The following LAD1 variants were observed in gnomAD, a reference collection of about 807,000 sequenced individuals.
The protein encoded by LAD1 is ladinin-1.
In LAD1, 53 loss-of-function variants were observed where a neutral mutation model predicts 54.2. The ratio of observed to expected loss-of-function variants is 0.98; its 90% confidence interval spans 0.78 to 1.23. The LOEUF is 1.23. Among genes scored for constraint, LAD1 ranks in the 50% most tolerant of loss-of-function variants. LAD1 has a pLI of 0.00. For missense variants in LAD1, 637 were observed against 653.3 expected (o/e 0.98, Z 0.27); for synonymous variants, 231 against 257.7 (o/e 0.90, Z 0.99).
chr1:201,384,974 C>G (rs34070820), intron 4 of LAD1, 139 bp from the exon 5 acceptor site: 157,176 of 733,162 alleles, frequency 0.21, 17,944 homozygotes, highest in Middle Eastern at 0.28. Context: ...TCAACCCCAC[C>G]AAAGAAATAT....
intron 1 of LAD1, among the ~76,000 whole-genome samples, chr1:201,398,641 C>T (rs1451451964): frequency 6.6e-6 from 1 of 152,210 alleles, no homozygotes; most frequent in Non-Finnish European, 1.5e-5. Flanking sequence ...GATGCCTCAT[C>T]CCCGACCCTT....
chr1:201,385,911 T>G (rs959391663), intron 3 of LAD1, 106 bp from the exon 4 acceptor site: 2 of 817,608 alleles, frequency 2.4e-6, no homozygotes, highest in Admixed American at 3.6e-5. Flanking sequence ...GAGGGGAGAA[T>G]GAGACAGCCC....
chr1:201,382,157 G>A, intron 9 of LAD1, 95 bp downstream of exon 9: 1 of 1,101,046 alleles, frequency 9.1e-7, no homozygotes, highest in Non-Finnish European at 1.4e-6. Context: ...CTGCGCGATT[G>A]CAGGCCAATT....
intron 1 of LAD1, among the ~76,000 whole-genome samples, chr1:201,396,532 A>G (rs1336729964): frequency 1.3e-5 from 2 of 152,166 alleles, no homozygotes. Flanking sequence ...ATTTTCCCAA[A>G]TTGAATCATA....
At chr1:201,389,364 G>T in intron 1 of LAD1, 61 bp from the exon 2 acceptor site, 1 of 1,568,360 alleles carries the variant, frequency 6.4e-7, no homozygotes, top group Non-Finnish European at 8.6e-7. Flanking sequence ...CCCGAGGCAG[G>T]CTCCTCTAGG....
intron 5 of LAD1, among the ~76,000 whole-genome samples, chr1:201,384,411 C>T (rs1662030876): frequency 6.6e-6 from 1 of 152,170 alleles, no homozygotes. Flanking sequence ...GTTAAACCTG[C>T]AGACCCACAG....
chr1:201,382,582 T>C, intron 8 of LAD1, 71 bp downstream of exon 8: 1 of 1,272,612 alleles, frequency 7.9e-7, no homozygotes, highest in Non-Finnish European at 1.1e-6. Flanking sequence ...CTCCCGACTG[T>C]CCCTCCTCTG....
chr1:201,382,683 C>A lies in LAD1; in HGVS notation c.1443G>T (p.Arg481Ser). The A allele has an allele frequency of 6.2e-7, 1 of 1,607,752 alleles. No homozygotes were observed. Among genetic ancestry groups the A allele is most frequent in the Admixed American group, 1.7e-5 (1 of 59,284 alleles). ...GGTCCTGATCTCCAGATTCCTGGGT[C>A]CTGCTGATCCACAGGTTGAGCCTTG... The part of the protein sequence containing the change: ...VTSRLNLWIS[R>S]TQESGDQDPQ... Residue 481 changes from arginine (R) to serine (S), a missense_variant, in exon 8 of 10, where the codon AGG becomes AGT. By Grantham distance (110) the Arg-to-Ser change is moderately radical. Transcript: ENST00000391967.
At chr1:201,396,790 G>T (rs1018041943) in intron 1 of LAD1, among the ~76,000 whole-genome samples, 7 of 152,132 alleles carry the variant, frequency 4.6e-5, no homozygotes, top group Admixed American at 2.0e-4. Flanking sequence ...TGGTCACTGT[G>T]GGGGGTAACT....
intron 1 of LAD1, among the ~76,000 whole-genome samples, chr1:201,389,539 G>A (rs994407900): frequency 3.3e-5 from 5 of 152,178 alleles, no homozygotes; most frequent in Non-Finnish European, 7.3e-5. Context: ...TCGGCCAGGC[G>A]CGGTCGCTCA....
intron 3 of LAD1, 36 bp from the exon 4 acceptor site, chr1:201,385,841 T>C: frequency 6.7e-7 from 1 of 1,497,378 alleles, no homozygotes; most frequent in Non-Finnish European, 9.3e-7. Context: ...ATAAGAGGTC[T>C]AGGGCCCATC....
chr1:201,398,657 G>T (rs1662343760), intron 1 of LAD1, among the ~76,000 whole-genome samples: 1 of 152,188 alleles, frequency 6.6e-6, no homozygotes, highest in Non-Finnish European at 1.5e-5. Context: ...CCCTTTAGGA[G>T]ACCAGTGTAC....
At chr1:201,388,821 A>C (rs1313864671) in intron 2 of LAD1, among the ~76,000 whole-genome samples, 2 of 152,232 alleles carry the variant, frequency 1.3e-5, no homozygotes, top group Non-Finnish European at 2.9e-5. Flanking sequence ...GACCTCAGCA[A>C]GTCACCTAAG....
chr1:201,399,177 C>A lies in LAD1; in HGVS notation c.38+92G>T, dbSNP rs940864153. On this transcript the variant is annotated intron_variant, in intron 1 of 9. Coordinates refer to ENST00000391967, the MANE Select transcript of LAD1 (RefSeq NM_005558.4). ...CAGGATCCAGCCTCAGTGTCAGGGT[C>A]CCAGGCGGGGAGGAGGCCGGTGCCC... The A allele has an allele frequency of 2.2e-5, 23 of 1,060,810 alleles. No homozygotes were observed. In the African/African-American group the frequency reaches 3.6e-4, roughly 16 times the overall value. The allele number at this position is 1,060,810 out of a possible 1,614,324, so 65.7% of individuals were successfully genotyped here.
intron 5 of LAD1, 106 bp downstream of exon 5, chr1:201,384,686 C>A: frequency 8.8e-7 from 1 of 1,134,326 alleles, no homozygotes; most frequent in South Asian, 1.2e-5. Flanking sequence ...ACCTTCCCCT[C>A]ATGTGCCCTA....
intron 1 of LAD1, among the ~76,000 whole-genome samples, chr1:201,392,781 C>A (rs1271829066): frequency 6.6e-6 from 1 of 151,032 alleles, no homozygotes. Context: ...ATCTCTCTGG[C>A]TGCTGTATGA....
chr1:201,385,251 A>G (rs1288906779), intron 4 of LAD1, among the ~76,000 whole-genome samples: 1 of 152,268 alleles, frequency 6.6e-6, no homozygotes, highest in African/African-American at 2.4e-5. Context: ...AATAAACACC[A>G]GGACAAAGCA....
Position 201,382,659 on chromosome 1 carries a change from G to A in LAD1, c.1467C>T (p.Asp489=), listed in dbSNP as rs139797888. ...ISRTQESGDQ[D]PQEAQKASSA... ...TCAGGGAGGGTGAGGATACCTGGGG[G>A]TCCTGATCTCCAGATTCCTGGGTCC... is the stretch of plus-strand genomic sequence containing the variant. The change falls in exon 8 of 10, where the codon GAC becomes GAT. Residue 489 remains aspartate, a synonymous_variant. Transcript: ENST00000391967. The A allele has an allele frequency of 2.5e-6, 4 of 1,599,790 alleles. No homozygotes were observed. The highest frequency in any genetic ancestry group is 2.2e-5 in the East Asian group (1 of 44,584).
intron 1 of LAD1, among the ~76,000 whole-genome samples, chr1:201,395,506 C>T (rs1022892340): frequency 6.6e-6 from 1 of 152,174 alleles, no homozygotes; most frequent in Non-Finnish European, 1.5e-5. Context: ...GTAATCCCAG[C>T]ACTTTGGGAG....
Sources: allele counts gnomAD v4.1 joint callset (sites outside exome capture counted in the v4.1 genomes callset), GRCh38; gene constraint gnomAD v4.1.1; transcripts MANE v1.5; gene names NCBI Gene and HGNC (gene_info 2026-07-23, HGNC 2026-07-21).